The following TRIM37 variants were observed in gnomAD, a reference collection of about 807,000 sequenced individuals.
The protein encoded by TRIM37 is tripartite motif containing 37.
In TRIM37, 80 loss-of-function variants were observed where a neutral mutation model predicts 129.8. That is an observed-to-expected ratio of 0.62 (90% confidence interval 0.51 to 0.74). The LOEUF (loss-of-function observed/expected upper bound fraction) is 0.74. Ranked by LOEUF, TRIM37 falls within the 30% of genes least tolerant of loss-of-function variation. The pLI is 0.00. For missense variants in TRIM37, 1,054 were observed against 1,176.5 expected, an observed-to-expected ratio of 0.90 and a Z score of 1.52; for synonymous variants, 389 against 387.1, an observed-to-expected ratio of 1.00 and a Z score of -0.06.
chr17:59,086,596 ATACT>A (rs2043774886), intron 4 of TRIM37, among the ~76,000 whole-genome samples: 2 of 152,322 alleles, frequency 1.3e-5, no homozygotes, highest in Non-Finnish European at 2.9e-5. Context: ...CTTAGAGAAA[ATACT>A]TACATAAGTT....
At chr17:59,015,889 G>T in intron 20 of TRIM37, 90 bp from the exon 21 acceptor site, 2 of 1,302,762 alleles carry the variant, frequency 1.5e-6, no homozygotes, top group Non-Finnish European at 1.1e-6. Context: ...TGAAACACAA[G>T]GATCACTTGA....
At chr17:58,976,380 A>G in the TRIM37 span, among the ~76,000 whole-genome samples, 2 of 152,200 alleles carry the variant, frequency 1.3e-5, no homozygotes, top group Admixed American at 1.3e-4. Context: ...ATTTACCAAA[A>G]TCCAGTAGCT....
chr17:59,052,009 C>T (rs1389127242), intron 13 of TRIM37, among the ~76,000 whole-genome samples: 1 of 152,052 alleles, frequency 6.6e-6, no homozygotes, highest in Non-Finnish European at 1.5e-5. Flanking sequence ...CTGGCTCAAC[C>T]ACCCAGGATT....
downstream of TRIM37, among the ~76,000 whole-genome samples, chr17:58,996,059 AT>A (rs2144285711): frequency 6.6e-6 from 1 of 152,294 alleles, no homozygotes; most frequent in South Asian, 2.1e-4. Context: ...GTTTCAAAGT[AT>A]CTGCCCCAAA....
At chr17:59,071,910 A>G (rs956003240) in intron 8 of TRIM37, among the ~76,000 whole-genome samples, 1 of 152,228 alleles carries the variant, frequency 6.6e-6, no homozygotes, top group Non-Finnish European at 1.5e-5. Context: ...GAAGTTTGTT[A>G]TAAGGATTAT....
In TRIM37 at chr17:59,056,922, G is replaced by C. The variant is rs199714666; in HGVS notation, c.1152C>G (p.Leu384=). ...GTGGATTCAAGTATCCTTCATTTGCGAGTAAGTCCAAACGGAAAAATCTAT... is the reference window on the plus strand; with the variant it reads ...GTGGATTCAAGTATCCTTCATTTGCCAGTAAGTCCAAACGGAAAAATCTAT... ...GYNRFFRLDL[L]ANEGYLNPQN... The change falls in exon 13 of 24, where the codon CTC becomes CTG. Residue 384 remains leucine (L), a synonymous_variant. Transcript: ENST00000262294. 1.5e-5 allele frequency: 24 copies of C among 1,613,262 alleles called. No individual in the cohort carries two copies. Among genetic ancestry groups the C allele is most frequent in the Non-Finnish European group, 1.2e-5 (14 of 1,179,842 alleles).
intron 21 of TRIM37, among the ~76,000 whole-genome samples, chr17:59,013,687 T>C (rs2035571313): frequency 6.6e-6 from 1 of 152,104 alleles, no homozygotes; most frequent in Non-Finnish European, 1.5e-5. Context: ...GTATTTAATA[T>C]TTATTTTTAT....
In TRIM37 at chr17:59,015,485, G is replaced by A. The variant is rs183040661; in HGVS notation, c.2576+125C>T. The A allele has an allele frequency of 2.2e-4, 214 of 987,686 alleles. No homozygotes were observed. In the African/African-American group the frequency reaches 3.1e-3, roughly 14 times the overall value. The allele number at this position is 987,686 out of a possible 1,614,324, so 61.2% of individuals were successfully genotyped here. On this transcript the variant is annotated intron_variant, in intron 21 of 23. Coordinates refer to ENST00000262294, the MANE Select transcript of TRIM37 (RefSeq NM_015294.6). ...AAAGTTAAAATTTAGTGCAATAAAT[G>A]TATTTTCTGTCCACTAAAAAATTAA...
At chr17:59,077,855 G>A (rs1023815274) in intron 7 of TRIM37, among the ~76,000 whole-genome samples, 1 of 148,958 alleles carries the variant, frequency 6.7e-6, no homozygotes, top group Non-Finnish European at 1.5e-5. Flanking sequence ...CAGGTGTGGT[G>A]GCTCACGCCT....
chr17:59,026,644 C>A (rs2037278844), intron 19 of TRIM37, among the ~76,000 whole-genome samples: 1 of 152,026 alleles, frequency 6.6e-6, no homozygotes, highest in Admixed American at 6.6e-5. Context: ...AAAAGGACAC[C>A]CCTGCCAACA....
chr17:59,062,889 C>A (rs1030429810), intron 10 of TRIM37, among the ~76,000 whole-genome samples: 8 of 152,104 alleles, frequency 5.3e-5, no homozygotes, highest in Non-Finnish European at 8.8e-5. Context: ...GGAAAAAAAA[C>A]CCTCAAAATT....
chr17:59,091,366 G>T (rs754116228), intron 2 of TRIM37, 26 bp from the exon 3 acceptor site: 4 of 1,465,378 alleles, frequency 2.7e-6, no homozygotes, highest in Non-Finnish European at 2.8e-6. Context: ...ATTAGATATC[G>T]ATTAGAAAAC....
intron 12 of TRIM37, among the ~76,000 whole-genome samples, chr17:59,060,441 G>GT (rs937012961): frequency 6.0e-5 from 9 of 149,608 alleles, no homozygotes; most frequent in African/African-American, 2.2e-4. Flanking sequence ...ATGTAACAGA[G>GT]TTAAAAAAAA....
intron 15 of TRIM37, among the ~76,000 whole-genome samples, chr17:59,048,467 T>A (rs756370629): frequency 6.6e-6 from 1 of 152,202 alleles, no homozygotes; most frequent in Non-Finnish European, 1.5e-5. Context: ...CTTCTTGAAC[T>A]CTTATTCTGG....
At chr17:58,992,538 G>A (rs1330257399) in intron 24 of TRIM37, among the ~76,000 whole-genome samples, 2 of 151,636 alleles carry the variant, frequency 1.3e-5, no homozygotes, top group East Asian at 1.9e-4. Flanking sequence ...GCGCCACCAC[G>A]CCTGGCTAGT....
intron 3 of TRIM37, among the ~76,000 whole-genome samples, chr17:59,089,144 C>T (rs547802525): frequency 6.6e-6 from 1 of 152,212 alleles, no homozygotes; most frequent in Admixed American, 6.6e-5. Context: ...GTCCCAGCTA[C>T]CCATGAAGCT....
intron 14 of TRIM37, 124 bp downstream of exon 14, chr17:59,051,089 GA>G: frequency 1.4e-6 from 1 of 704,608 alleles, no homozygotes; most frequent in Non-Finnish European, 2.4e-6. Context: ...AAGATAACTA[GA>G]TTTTTTTTCT....
At chr17:59,091,272 T>C in intron 3 of TRIM37, 28 bp downstream of exon 3, 1 of 1,578,210 alleles carries the variant, frequency 6.3e-7, no homozygotes, top group African/African-American at 1.4e-5. Flanking sequence ...TTTTCAAAAT[T>C]CACAAATAAT....
intron 1 of TRIM37, among the ~76,000 whole-genome samples, chr17:59,105,811 T>A (rs538606386): frequency 6.6e-6 from 1 of 152,226 alleles, no homozygotes; most frequent in Non-Finnish European, 1.5e-5. Context: ...CCTATTTCAG[T>A]ATCTGAAAGG....
Sources: gnomAD v4.1 joint callset for allele counts (sites outside exome capture counted in the v4.1 genomes callset) on GRCh38, gnomAD v4.1.1 for gene constraint, MANE v1.5 for transcripts, NCBI Gene and HGNC (gene_info 2026-07-23, HGNC 2026-07-21) for gene names.